ST18: variants seen among roughly 807,000 people sequenced by gnomAD.
ST18 encodes the protein suppression of tumorigenicity 18 protein.
Under a neutral mutation model 110.0 loss-of-function variants are expected in ST18, and 50 were observed. The observed-to-expected ratio is 0.45, with a 90% confidence interval of 0.36 to 0.58. The LOEUF (loss-of-function observed/expected upper bound fraction) is 0.58. Ranked by LOEUF, ST18 falls within the 20% of genes least tolerant of loss-of-function variation. The pLI, the probability that ST18 is intolerant of heterozygous loss-of-function variation, is 0.00. For synonymous variants in ST18, 461 were observed against 452.4 expected (o/e 1.02, Z -0.24); for missense variants, 1,306 against 1,280.1 (o/e 1.02, Z -0.31).
At chr8:52,335,100 A>T (rs1811430216) in intron 2 of ST18, among the ~76,000 whole-genome samples, 1 of 152,076 alleles carries the variant, frequency 6.6e-6, no homozygotes, top group Admixed American at 6.5e-5. Flanking sequence ...TTATTTTCTT[A>T]TTTTTTTCCC....
At chr8:52,404,387 CAGA>C (rs1054105350) in intron 2 of ST18, 50 of 152,206 alleles carry the variant, frequency 3.3e-4, no homozygotes, top group African/African-American at 1.1e-3. Flanking sequence ...ACTGCTGAGA[CAGA>C]AGGAGTCGGG....
chr8:52,188,204 T>C (rs2134629782), intron 8 of ST18, among the ~76,000 whole-genome samples: 1 of 152,266 alleles, frequency 6.6e-6, no homozygotes, highest in South Asian at 2.1e-4. Context: ...GATGTTTGCT[T>C]TGGAAAAAAT....
intron 15 of ST18, among the ~76,000 whole-genome samples, chr8:52,155,794 T>C (rs538153354): frequency 2.0e-5 from 3 of 152,310 alleles, no homozygotes; most frequent in East Asian, 3.9e-4. Flanking sequence ...AGATTGCCCA[T>C]TAAGCTTGGA....
intron 2 of ST18, among the ~76,000 whole-genome samples, chr8:52,300,095 G>A (rs549357362): frequency 1.3e-5 from 2 of 152,170 alleles, no homozygotes; most frequent in African/African-American, 4.8e-5. Context: ...GATTCCTTCT[G>A]CTTATTTAGC....
intron 2 of ST18, among the ~76,000 whole-genome samples, chr8:52,240,219 C>A (rs547585689): frequency 1.3e-5 from 2 of 152,066 alleles, no homozygotes; most frequent in East Asian, 3.9e-4. Flanking sequence ...ATGCCAACAT[C>A]AATTATATAT....
chr8:52,192,883 G>C (rs141523303), intron 8 of ST18, among the ~76,000 whole-genome samples: 512 of 152,302 alleles, frequency 3.4e-3, no homozygotes, highest in Middle Eastern at 0.024. Context: ...GGTTCTTGTT[G>C]CTGAGAGATA....
rs771570944 is a variant in ST18, at chr8:52,116,264, C to G, written c.3003+11G>C. The G allele has an allele frequency of 1.2e-6, 2 of 1,611,986 alleles. No individual in the cohort carries two copies. Among genetic ancestry groups the G allele is most frequent in the East Asian group, 4.5e-5 (2 of 44,870 alleles). ...TGTAATGGAATGGCAAGGTTCTGGC[C>G]TTGAACTTACCATCTGTGGAAGCTG... On this transcript the variant is annotated intron_variant, in intron 25 of 25. Coordinates refer to ENST00000689386, the MANE Select transcript of ST18 (RefSeq NM_001352837.2).
At chr8:52,282,359 C>T (rs2095396054) in intron 2 of ST18, among the ~76,000 whole-genome samples, 2 of 152,140 alleles carry the variant, frequency 1.3e-5, no homozygotes, top group Non-Finnish European at 2.9e-5. Context: ...TAATTAATTT[C>T]AGTAAGTAAA....
intron 14 of ST18, 138 bp from the exon 15 acceptor site, chr8:52,159,247 A>C (rs1489536683): frequency 2.5e-6 from 2 of 803,342 alleles, no homozygotes; most frequent in African/African-American, 3.5e-5. Context: ...ATCCATGGGA[A>C]CATTAAATGA....
chr8:52,270,065 T>A lies in ST18; in HGVS notation c.-464-39988A>T, dbSNP rs545130137. Among the ~76,000 whole-genome samples, 5 of 152,314 alleles carry A rather than the reference T, an allele frequency of 3.3e-5. 1 individual carries two copies. Among genetic ancestry groups the A allele is most frequent in the Admixed American group, 3.3e-4 (5 of 15,302 alleles). ...AGTTTCCCATCCCCGACACATGTAA[T>A]ATTTTTCTAGAGAAAATTTGGAAAA... On this transcript the variant is annotated intron_variant, in intron 2 of 25. Coordinates refer to ENST00000689386, the MANE Select transcript of ST18 (RefSeq NM_001352837.2).
chr8:52,124,995 T>C (rs567222094), intron 23 of ST18, among the ~76,000 whole-genome samples: 6 of 152,348 alleles, frequency 3.9e-5, no homozygotes, highest in African/African-American at 1.4e-4. Flanking sequence ...GTGCCAAAGA[T>C]GCCATCAAAT....
chr8:52,234,877 CATT>C (rs1207613685), intron 2 of ST18, among the ~76,000 whole-genome samples: 1 of 151,998 alleles, frequency 6.6e-6, no homozygotes, highest in Admixed American at 6.6e-5. Context: ...GAAAACCAAA[CATT>C]ATATGTTCTC....
chr8:52,170,551 G>A, intron 10 of ST18, among the ~76,000 whole-genome samples: 1 of 151,974 alleles, frequency 6.6e-6, no homozygotes, highest in Non-Finnish European at 1.5e-5. Context: ...ATCAGAAATT[G>A]TGGATTTCGG....
intron 2 of ST18, among the ~76,000 whole-genome samples, chr8:52,361,518 T>C (rs1325529305): frequency 1.3e-5 from 2 of 152,196 alleles, no homozygotes; most frequent in African/African-American, 4.8e-5. Flanking sequence ...AAATATGTCA[T>C]GGAGAATTTA....
chr8:52,316,280 AG>A (rs2096023987), intron 2 of ST18, among the ~76,000 whole-genome samples: 1 of 152,246 alleles, frequency 6.6e-6, no homozygotes, highest in African/African-American at 2.4e-5. Context: ...ATGACGAAGT[AG>A]AATTTCCAGG....
chr8:52,122,334 A>C (rs2045261386), intron 23 of ST18, among the ~76,000 whole-genome samples: 1 of 152,074 alleles, frequency 6.6e-6, no homozygotes, highest in African/African-American at 2.4e-5. Context: ...TATGCAAGCT[A>C]TGTATATACT....
At chr8:52,133,176 G>A (rs751626578) in intron 20 of ST18, 39 bp from the exon 21 acceptor site, 1 of 1,614,156 alleles carries the variant, frequency 6.2e-7, no homozygotes, top group Non-Finnish European at 8.5e-7. Context: ...GCAAAATTAT[G>A]TGATCTCTCT....
chr8:52,337,507 G>A (rs1014004491), intron 2 of ST18, among the ~76,000 whole-genome samples: 11 of 152,176 alleles, frequency 7.2e-5, no homozygotes, highest in Non-Finnish European at 1.3e-4. Flanking sequence ...CTATTGGCTC[G>A]AAGGACTCAG....
rs574166290 is a variant in ST18 at position 52,319,713 on chromosome 8, C to T, written c.-465+89615G>A. Among the ~76,000 whole-genome samples, 15 of 152,194 alleles carry T rather than the reference C, an allele frequency of 9.9e-5. No homozygotes were observed. In the East Asian group the frequency reaches 1.2e-3, roughly 12 times the overall value. On this transcript the variant is annotated intron_variant, in intron 2 of 25. Transcript: ENST00000689386. The stretch of plus-strand genomic sequence containing the variant: ...AGGAAGGGCTCAGCTGGGTGATTCT[C>T]GGTTGAGGTTGCTTGTTTGCTTCTG...
Sources: gnomAD v4.1 joint callset for allele counts (sites outside exome capture counted in the v4.1 genomes callset) on GRCh38, gnomAD v4.1.1 for gene constraint, MANE v1.5 for transcripts, NCBI Gene and HGNC (gene_info 2026-07-23, HGNC 2026-07-21) for gene names.